Variants in FCRL2 observed in about 807,000 individuals in gnomAD.
FCRL2 encodes Fc receptor-like protein 2.
A neutral mutation model predicts 59.8 loss-of-function variants in FCRL2; 48 were observed. The ratio of observed to expected loss-of-function variants is 0.80; its 90% CI spans 0.64 to 1.02. The LOEUF (loss-of-function observed/expected upper bound fraction) is 1.02, where lower values mean the gene tolerates loss of function less well. Among genes scored for constraint, FCRL2 ranks in the 50% least tolerant of loss-of-function variants. The pLI is 0.00. For synonymous variants in FCRL2, 251 were observed against 229.5 expected (o/e 1.09, Z -0.85); for missense variants, 658 against 597.3 (o/e 1.10, Z -1.06).
At position 157,749,579 on chromosome 1, in the gene FCRL2, G is replaced by A. The variant is rs1648025153; in HGVS notation, c.1307+71C>T. 6 of 1,065,408 alleles carry A rather than the reference G, an allele frequency of 5.6e-6. No individual in the cohort carries two copies. In the South Asian group the frequency reaches 8.0e-5, roughly 14 times the overall value. The allele number at this position is 1,065,408 out of a possible 1,614,324, so 66.0% of individuals were successfully genotyped here. ...GCTTCAGTCTCAACGTACAAGCAGA[G>A]TACAGTAGGTATTTAAAACTGAATG... On this transcript the variant is annotated intron_variant, in intron 8 of 11. Transcript: ENST00000361516.
intron 2 of FCRL2, among the ~76,000 whole-genome samples, chr1:157,773,140 C>G (rs1260436699): frequency 6.6e-6 from 1 of 152,200 alleles, no homozygotes. Context: ...ATTAAAAAGT[C>G]ACTTTCTTTC....
At chr1:157,752,449 C>G (rs1648265563) in intron 7 of FCRL2, among the ~76,000 whole-genome samples, 1 of 152,132 alleles carries the variant, frequency 6.6e-6, no homozygotes, top group Admixed American at 6.6e-5. Context: ...CCAATTAAAC[C>G]TCTTTCGTTT....
chr1:157,749,171 A>C (rs1000460502), intron 8 of FCRL2, among the ~76,000 whole-genome samples: 5 of 151,036 alleles, frequency 3.3e-5, no homozygotes, highest in African/African-American at 1.2e-4. Context: ...AAATAAGACA[A>C]TGATATTGCT....
In FCRL2 at chr1:157,768,541, G is replaced by T. The variant is rs754082955; in HGVS notation, c.756C>A (p.Thr252=). ...CCAGCTCTGCTGACAGGGAACGCTG[G>T]GTTTTCTTTCCCATACTGGTTCCTG... ...EATGTSMGKK[T]QRSLSAELEI... Residue 252 remains threonine, a synonymous_variant, in exon 5 of 12, where the codon ACC becomes ACA. Coordinates refer to ENST00000361516, the MANE Select transcript of FCRL2 (RefSeq NM_030764.4). 1 of 1,614,062 alleles carries T rather than the reference G, an allele frequency of 6.2e-7. No homozygotes were observed. Among genetic ancestry groups the T allele is most frequent in the Admixed American group, 1.7e-5 (1 of 60,004 alleles).
intron 7 of FCRL2, among the ~76,000 whole-genome samples, chr1:157,754,698 G>A (rs1452525325): frequency 6.6e-6 from 1 of 152,020 alleles, no homozygotes; most frequent in Non-Finnish European, 1.5e-5. Context: ...TGGCACAGTA[G>A]CTCACACCTG....
chr1:157,763,849 T>C (rs896382663), intron 7 of FCRL2, among the ~76,000 whole-genome samples: 4 of 151,734 alleles, frequency 2.6e-5, no homozygotes, highest in African/African-American at 4.8e-5. Flanking sequence ...GCCAACATGG[T>C]GAAACCCCGT....
intron 7 of FCRL2, among the ~76,000 whole-genome samples, chr1:157,759,749 C>A (rs1004856433): frequency 6.6e-6 from 1 of 152,168 alleles, no homozygotes; most frequent in African/African-American, 2.4e-5. Context: ...CAATGAGATA[C>A]CATCTCACAC....
chr1:157,757,843 T>C (rs1452645139), intron 7 of FCRL2, among the ~76,000 whole-genome samples: 2 of 152,164 alleles, frequency 1.3e-5, no homozygotes, highest in Non-Finnish European at 2.9e-5. Flanking sequence ...ACGCCTGCAG[T>C]CCCAGCTACT....
At chr1:157,773,620 G>T (rs143421615) in intron 2 of FCRL2, among the ~76,000 whole-genome samples, 6 of 152,324 alleles carry the variant, frequency 3.9e-5, no homozygotes, top group African/African-American at 1.4e-4. Context: ...GTATCCACTT[G>T]CTTCTAGCAT....
intron 10 of FCRL2, among the ~76,000 whole-genome samples, chr1:157,748,182 G>C (rs894257777): frequency 2.0e-5 from 3 of 152,126 alleles, no homozygotes; most frequent in African/African-American, 7.2e-5. Context: ...ACTTTGGGAG[G>C]CTGAGGCGGG....
At chr1:157,769,741 T>C (rs919247838) in intron 4 of FCRL2, 125 bp downstream of exon 4, 1 of 1,283,988 alleles carries the variant, frequency 7.8e-7, no homozygotes, top group Non-Finnish European at 1.1e-6. Flanking sequence ...CCTGGAGGGT[T>C]TTTCTAGCTT....
At chr1:157,775,648 T>C in intron 2 of FCRL2, 127 bp downstream of exon 2, 1 of 975,250 alleles carries the variant, frequency 1.0e-6, no homozygotes. Context: ...TCAGAACATG[T>C]CAGCCTAGAG....
rs143056191 is a variant in FCRL2 at position 157,768,718 on chromosome 1, C to G, written c.596-17G>C. 1 of 1,584,462 alleles carries G rather than the reference C, an allele frequency of 6.3e-7. No individual in the cohort carries two copies. Among genetic ancestry groups the G allele is most frequent in the East Asian group, 2.2e-5 (1 of 44,618 alleles). On this transcript the variant is annotated splice_polypyrimidine_tract_variant and intron_variant, in intron 4 of 11. Transcript: ENST00000361516. ...TGGGGATTCCTAGATGGATATAAGA[C>G]AACAGGTGAGAACTCTAAGGGAAAC...
intron 7 of FCRL2, 197 bp downstream of exon 7, chr1:157,766,658 G>A (rs1430883958): frequency 6.6e-6 from 5 of 752,436 alleles, no homozygotes; most frequent in Non-Finnish European, 1.0e-5. Context: ...TATGCACAGG[G>A]AACAGTGACA....
At chr1:157,761,072 C>T (rs1301977718) in intron 7 of FCRL2, among the ~76,000 whole-genome samples, 6 of 152,184 alleles carry the variant, frequency 3.9e-5, no homozygotes, top group Non-Finnish European at 8.8e-5. Context: ...AAGCGTTTTA[C>T]AAAAGCTTCA....
At chr1:157,766,997 C>A (rs1649544322) in intron 6 of FCRL2, 26 bp from the exon 7 acceptor site, 1 of 1,591,986 alleles carries the variant, frequency 6.3e-7, no homozygotes, top group Admixed American at 1.7e-5. Flanking sequence ...AGTGCTTCAG[C>A]CCCAGAGGTT....
chr1:157,760,694 A>AGAAG (rs1341051035), intron 7 of FCRL2, among the ~76,000 whole-genome samples: 17 of 113,756 alleles, frequency 1.5e-4, no homozygotes, highest in African/African-American at 3.5e-4. Flanking sequence ...AAAGAAAGAA[A>AGAAG]GAAGGAAAGA....
intron 1 of FCRL2, among the ~76,000 whole-genome samples, chr1:157,776,526 C>G (rs1650425533): frequency 6.6e-6 from 1 of 152,122 alleles, no homozygotes; most frequent in Non-Finnish European, 1.5e-5. Flanking sequence ...GCCTTGGACT[C>G]CCAAAGTGCT....
chr1:157,758,701 A>AAAAAAG (rs1648790467), intron 7 of FCRL2, among the ~76,000 whole-genome samples: 1 of 151,468 alleles, frequency 6.6e-6, no homozygotes, highest in African/African-American at 2.4e-5. Flanking sequence ...AAAAAAAAAA[A>AAAAAAG]ACAAAGCTGG....
Sources: allele counts gnomAD v4.1 joint callset (sites outside exome capture counted in the v4.1 genomes callset), GRCh38; gene constraint gnomAD v4.1.1; transcripts MANE v1.5; gene names NCBI Gene and HGNC (gene_info 2026-07-23, HGNC 2026-07-21).